Variants in MKRN1 observed in about 807,000 individuals in gnomAD.
MKRN1 encodes the protein E3 ubiquitin-protein ligase makorin-1.
A neutral mutation model predicts 55.5 loss-of-function variants in MKRN1; 9 were observed. The observed-to-expected ratio is 0.16, with a 90% CI of 0.10 to 0.28. MKRN1 has a LOEUF of 0.28. MKRN1 is among the 10% of genes least tolerant of loss of function. The pLI is 1.00. For missense variants in MKRN1, 488 were observed against 626.7 expected (o/e 0.78, Z 2.36); for synonymous variants, 253 against 235.9 (o/e 1.07, Z -0.66).
chr7:140,459,636 G>T, intron 3 of MKRN1, 71 bp downstream of exon 3: 2 of 1,458,394 alleles, frequency 1.4e-6, no homozygotes, highest in Non-Finnish European at 1.9e-6. Flanking sequence ...GGGGAAAGTT[G>T]TCAAAACTAA....
Position 140,459,145 on chromosome 7 carries a change from C to A in MKRN1, c.633G>T (p.Lys211Asn), listed in dbSNP as rs1173496457. 1.9e-6 allele frequency: 3 copies of A among 1,613,864 alleles called. No individual in the cohort carries two copies. In the African/African-American group the frequency reaches 4.0e-5, roughly 22 times the overall value. Residue 211 changes from lysine (K) to asparagine (N), a missense_variant, in exon 4 of 8, where the codon AAG (lysine) becomes AAT (asparagine). Physicochemically the swap from Lys to Asn is moderately conservative, Grantham distance 94 (BLOSUM62 0). Transcript: ENST00000255977. ...CCACTGCAGCATAGGGGCACAGCTGCTTCTTTGTCTCCACGGCGGTTTGCT... is the reference window on the plus strand; with the variant it reads ...CCACTGCAGCATAGGGGCACAGCTGATTCTTTGTCTCCACGGCGGTTTGCT... ...EKEQTAVETK[K>N]QLCPYAAVGE...
intron 1 of MKRN1, chr7:140,475,070 G>A (rs889889556): frequency 1.9e-5 from 5 of 268,046 alleles, no homozygotes; most frequent in South Asian, 5.8e-5. Flanking sequence ...GGCCAGGTAC[G>A]GGGGCTCATG....
chr7:140,455,993 G>T, intron 5 of MKRN1, 93 bp from the exon 6 acceptor site: 1 of 1,198,112 alleles, frequency 8.3e-7, no homozygotes, highest in South Asian at 1.3e-5. Context: ...CAGACTTAAA[G>T]ACTTAACTGA....
In MKRN1 at chr7:140,454,524, T is replaced by A. The variant is rs759595831; in HGVS notation, c.1442A>T (p.Asp481Val). The stretch of plus-strand genomic sequence containing the variant: ...ACACGCCACGCAAGGTTGCTATAGA[T>A]CCAAGTCATAAAAATCTTCCAGCTC... The part of the protein sequence containing the change: ...HDELEDFYDL[D>V]L Residue 481 changes from aspartate to valine, a missense_variant, in exon 8 of 8, where the codon GAT (aspartate) becomes GTT (valine). Physicochemically the swap from Asp to Val is radical, Grantham distance 152 (BLOSUM62 -3). This residue lies in a region of MKRN1 where 278 missense variants were observed against 406.7 expected (regional missense o/e 0.68). Transcript: ENST00000255977. 6.2e-7 allele frequency: 1 copy of A among 1,611,594 alleles called. No homozygotes were observed. The highest frequency in any genetic ancestry group is 1.1e-5 in the South Asian group (1 of 90,866).
chr7:140,455,577 C>A, intron 6 of MKRN1: 3 of 572,908 alleles, frequency 5.2e-6, no homozygotes, highest in South Asian at 4.8e-5. Context: ...ACAGTAGAGA[C>A]CTCTTTATAA....
intron 1 of MKRN1, 94 bp downstream of exon 1, chr7:140,479,066 T>G: frequency 8.1e-7 from 1 of 1,229,252 alleles, no homozygotes; most frequent in Non-Finnish European, 1.0e-6. Flanking sequence ...CCCGCGCCTC[T>G]AGCCGCAGGC....
intron 1 of MKRN1, chr7:140,473,280 A>G (rs140562693): frequency 5.5e-5 from 25 of 452,068 alleles, no homozygotes; most frequent in African/African-American, 4.6e-4. Flanking sequence ...AACCTGGGCC[A>G]TATATTATTT....
intron 5 of MKRN1, chr7:140,456,249 T>G (rs1794463054): frequency 8.7e-7 from 1 of 1,149,126 alleles, no homozygotes; most frequent in African/African-American, 1.6e-5. Context: ...ATGTGGTTTT[T>G]GTTCAGTTAT....
intron 2 of MKRN1, among the ~76,000 whole-genome samples, chr7:140,468,002 CAAAAAAA>C (rs566154288): frequency 2.3e-5 from 2 of 88,770 alleles, no homozygotes; most frequent in African/African-American, 8.1e-5. Flanking sequence ...AATTCTGTCT[CAAAAAAA>C]AAAAAAAAAA....
chr7:140,455,431 T>C (rs1044093068), intron 6 of MKRN1, 198 bp from the exon 7 acceptor site: 12 of 643,784 alleles, frequency 1.9e-5, no homozygotes, highest in Non-Finnish European at 3.2e-5. Context: ...TTCAAGTCTA[T>C]GCTGGTTAAT....
At chr7:140,458,509 TAA>T (rs1201468819) in intron 4 of MKRN1, among the ~76,000 whole-genome samples, 4 of 152,208 alleles carry the variant, frequency 2.6e-5, no homozygotes, top group South Asian at 2.1e-4. Flanking sequence ...AAGGCTGGAA[TAA>T]AGAGTGACTG....
Position 140,454,645 on chromosome 7 carries a change from T to C in MKRN1, c.1321A>G (p.Thr441Ala). 6.2e-7 allele frequency: 1 copy of C among 1,613,982 alleles called. No homozygotes were observed. Among genetic ancestry groups the C allele is most frequent in the Non-Finnish European group, 8.5e-7 (1 of 1,179,876 alleles). The change falls in exon 8 of 8, where the codon ACC (threonine) becomes GCC (alanine). Residue 441 changes from threonine (T) to alanine (A), a missense_variant. Physicochemically the swap from Thr to Ala is moderately conservative, Grantham distance 58. Transcript: ENST00000255977. ...AGCAACATCTCGCCCAGCTCAAAGG[T>C]GACAACCTCTTCTTCATCGTTGTCA... ...PFDNDEEEVV[T>A]FELGEMLLML...
chr7:140,454,843 A>G, intron 7 of MKRN1, 114 bp from the exon 8 acceptor site: 1 of 1,180,932 alleles, frequency 8.5e-7, no homozygotes, highest in Non-Finnish European at 1.2e-6. Flanking sequence ...CAGACTTCTT[A>G]GTTAGGGTTT....
In MKRN1 at chr7:140,459,197, G is replaced by A; in HGVS notation, c.581C>T (p.Ser194Leu). Residue 194 changes from serine to leucine, a missense_variant, in exon 4 of 8, where the codon TCA becomes TTA. Physicochemically the swap from Ser to Leu is moderately radical, Grantham distance 145. Coordinates refer to ENST00000255977, the MANE Select transcript of MKRN1 (RefSeq NM_013446.4). The part of the protein sequence containing the change: ...PSCTEAPLQG[S>L]VTKEESEKEQ... ...TTTCTCTGATTCTTCCTTGGTCACT[G>A]AGCCCTGCAGGGGTGCTTCAGTGCA... 6.2e-7 allele frequency: 1 copy of A among 1,613,944 alleles called. No homozygotes were observed. Among genetic ancestry groups the A allele is most frequent in the Non-Finnish European group, 8.5e-7 (1 of 1,179,856 alleles).
intron 1 of MKRN1, among the ~76,000 whole-genome samples, chr7:140,474,090 G>A (rs560441295): frequency 3.3e-5 from 5 of 151,136 alleles, no homozygotes; most frequent in South Asian, 2.1e-4. Context: ...GGGTGGGCCC[G>A]GTGGCTCACA....
intron 1 of MKRN1, among the ~76,000 whole-genome samples, chr7:140,476,713 CTG>C (rs1205541044): frequency 1.3e-5 from 2 of 150,944 alleles, no homozygotes; most frequent in Non-Finnish European, 2.9e-5. Flanking sequence ...AGGAAAGAAA[CTG>C]AGGAACTGAG....
chr7:140,476,471 C>CAAAAAAAAAAAAAA lies in MKRN1; in HGVS notation c.185+2675_185+2688dup, dbSNP rs59392050. Among the ~76,000 whole-genome samples, 82 of 72,556 alleles carry CAAAAAAAAAAAAAA rather than the reference C, an allele frequency of 1.1e-3. 3 individuals are homozygous for CAAAAAAAAAAAAAA. Among genetic ancestry groups the CAAAAAAAAAAAAAA allele is most frequent in the African/African-American group, 4.7e-3 (77 of 16,302 alleles). The allele number at this position is 72,556 out of a possible 152,430, so 47.6% of individuals were successfully genotyped here. ...TGGGCGACAGAGCGACACTCCATCT[C>CAAAAAAAAAAAAAA]AAAAAAAAAAAAAAAAAAGGAAGAT... On this transcript the variant is annotated intron_variant, in intron 1 of 7. Transcript: ENST00000255977.
intron 2 of MKRN1, among the ~76,000 whole-genome samples, chr7:140,470,225 A>C (rs1794886104): frequency 6.9e-6 from 1 of 145,836 alleles, no homozygotes; most frequent in South Asian, 2.2e-4. Flanking sequence ...GTCTTGAAAA[A>C]AAAAAAAGGC....
chr7:140,476,471 C>CAAAAAAAAAAAAAAAAAAA (rs59392050), intron 1 of MKRN1, among the ~76,000 whole-genome samples: 2 of 72,564 alleles, frequency 2.8e-5, no homozygotes, highest in African/African-American at 1.2e-4. Context: ...CACTCCATCT[C>CAAAAAAAAAAAAAAAAAAA]AAAAAAAAAA....
Sources: gnomAD v4.1 joint callset for allele counts (sites outside exome capture counted in the v4.1 genomes callset) on GRCh38, gnomAD v4.1.1 for gene constraint, gnomAD v4.1.1 regional missense constraint, MANE v1.5 for transcripts, NCBI Gene and HGNC (gene_info 2026-07-23, HGNC 2026-07-21) for gene names.